The following ST6GAL1 variants were observed in gnomAD, a reference collection of about 807,000 sequenced individuals.
ST6GAL1 encodes ST6 beta-galactoside alpha-2,6-sialyltransferase 1.
A neutral mutation model predicts 38.0 loss-of-function variants in ST6GAL1; 20 were observed. The ratio of observed to expected loss-of-function variants is 0.53; its 90% CI spans 0.37 to 0.77. The LOEUF (loss-of-function observed/expected upper bound fraction) is 0.77. Ranked by LOEUF, ST6GAL1 falls within the 30% of genes least tolerant of loss-of-function variation. ST6GAL1 has a pLI of 0.00. For synonymous variants in ST6GAL1, 196 were observed against 188.2 expected (o/e 1.04, Z -0.34); for missense variants, 432 against 496.4 (o/e 0.87, Z 1.23).
chr3:186,986,327 G>T (rs1475003383), intron 2 of ST6GAL1: 1 of 152,146 alleles, frequency 6.6e-6, no homozygotes, highest in Non-Finnish European at 1.5e-5. Context: ...CTCAGTCCAG[G>T]CCTCTATCAT....
rs192807081 is a variant in ST6GAL1, at chr3:186,947,493, A to G, written c.-324-16292A>G. Among the ~76,000 whole-genome samples the G allele has an allele frequency of 3.3e-5, 5 of 152,314 alleles. No homozygotes were observed. The East Asian group carries it at 9.6e-4, about 29-fold the overall frequency. ...CACCTTTATGAAACACAAAATGTAA[A>G]AATAATTGTATAGGTAAATATTTTA... On this transcript the variant is annotated intron_variant, in intron 1 of 7. Coordinates refer to ENST00000169298, the MANE Select transcript of ST6GAL1 (RefSeq NM_173216.2).
At chr3:186,977,402 T>C (rs186722327) in intron 2 of ST6GAL1, among the ~76,000 whole-genome samples, 36 of 152,360 alleles carry the variant, frequency 2.4e-4, no homozygotes, top group African/African-American at 8.7e-4. Context: ...ACTCAGTGTT[T>C]TCACTTGTCA....
chr3:186,965,585 AT>A (rs1349823692), intron 2 of ST6GAL1, among the ~76,000 whole-genome samples: 1 of 152,208 alleles, frequency 6.6e-6, no homozygotes, highest in Non-Finnish European at 1.5e-5. Flanking sequence ...CCACACCCTC[AT>A]TTTAAGAACC....
At chr3:186,967,567 T>C (rs777683879) in intron 2 of ST6GAL1, among the ~76,000 whole-genome samples, 1 of 152,124 alleles carries the variant, frequency 6.6e-6, no homozygotes, top group Non-Finnish European at 1.5e-5. Context: ...TCAGGGTCTT[T>C]GGAAGATACC....
chr3:187,050,542 G>C (rs201843285), intron 4 of ST6GAL1, among the ~76,000 whole-genome samples: 3 of 110,606 alleles, frequency 2.7e-5, no homozygotes, highest in Admixed American at 2.4e-4. Context: ...GAAAGAGAGA[G>C]AGAGAGAGAG....
chr3:186,966,073 T>C (rs1715101884), intron 2 of ST6GAL1, among the ~76,000 whole-genome samples: 1 of 152,176 alleles, frequency 6.6e-6, no homozygotes, highest in Admixed American at 6.5e-5. Context: ...AATTATTTTG[T>C]ATTTTTAGTA....
intron 5 of ST6GAL1, among the ~76,000 whole-genome samples, chr3:187,069,896 C>A (rs934231595): frequency 6.6e-6 from 1 of 152,230 alleles, no homozygotes; most frequent in African/African-American, 2.4e-5. Flanking sequence ...GCATTTCTCT[C>A]TCATGCAAAA....
intron 2 of ST6GAL1, among the ~76,000 whole-genome samples, chr3:186,973,784 A>G (rs1402251049): frequency 6.6e-6 from 1 of 152,130 alleles, no homozygotes; most frequent in East Asian, 1.9e-4. Context: ...ACTGAAAGAA[A>G]ACGGGACATG....
At chr3:186,986,985 G>C (rs1034553604) in intron 2 of ST6GAL1, among the ~76,000 whole-genome samples, 3 of 142,976 alleles carry the variant, frequency 2.1e-5, no homozygotes, top group Admixed American at 6.9e-5. Context: ...TTAAAAAAAA[G>C]TGATATACAG....
chr3:186,984,462 G>A (rs1326760197), intron 2 of ST6GAL1, among the ~76,000 whole-genome samples: 3 of 152,048 alleles, frequency 2.0e-5, no homozygotes, highest in South Asian at 2.1e-4. Flanking sequence ...CCCCGACATC[G>A]TTGTTTGTTC....
chr3:187,073,471 C>T (rs771348479), intron 6 of ST6GAL1: 51 of 162,222 alleles, frequency 3.1e-4, no homozygotes, highest in Non-Finnish European at 9.4e-5. Flanking sequence ...AAGCAGAAGG[C>T]GCAGATCTGC....
In ST6GAL1 at chr3:187,056,057, G is replaced by T. The variant is rs553618957; in HGVS notation, c.705+4711G>T. Among the ~76,000 whole-genome samples the T allele has an allele frequency of 3.3e-5, 5 of 152,318 alleles. No individual in the cohort carries two copies. The South Asian group carries it at 8.3e-4, about 25-fold the overall frequency. The stretch of plus-strand genomic sequence containing the variant: ...GTTCAATCGATCCCTTTACCATTAT[G>T]TAATGGCCTTCTTTATCTCTTTTGA... On this transcript the variant is annotated intron_variant, in intron 5 of 7. Transcript: ENST00000169298.
chr3:187,025,709 G>A (rs1298794437), intron 2 of ST6GAL1, among the ~76,000 whole-genome samples: 1 of 152,088 alleles, frequency 6.6e-6, no homozygotes, highest in East Asian at 1.9e-4. Flanking sequence ...AGTAGCAAAT[G>A]GCTCATGATT....
chr3:186,984,935 G>A (rs575138995), intron 2 of ST6GAL1, among the ~76,000 whole-genome samples: 2 of 150,444 alleles, frequency 1.3e-5, no homozygotes, highest in Admixed American at 6.6e-5. Flanking sequence ...CTGAGATAGG[G>A]TCTCGCTCTG....
At chr3:186,939,733 C>T (rs1197905319) in intron 1 of ST6GAL1, among the ~76,000 whole-genome samples, 1 of 152,158 alleles carries the variant, frequency 6.6e-6, no homozygotes, top group East Asian at 1.9e-4. Context: ...GGGAGCGTTG[C>T]TGCCGGTCTC....
At chr3:186,984,721 TCCTC>T (rs1715809873) in intron 2 of ST6GAL1, among the ~76,000 whole-genome samples, 1 of 142,124 alleles carries the variant, frequency 7.0e-6, no homozygotes, top group Non-Finnish European at 1.5e-5. Context: ...TTCCTTCCCT[TCCTC>T]CCTTCCTTCC....
chr3:187,076,112 C>A lies in ST6GAL1; in HGVS notation c.*309C>A. On this transcript the variant is annotated 3_prime_UTR_variant, in exon 8 of 8. Coordinates refer to ENST00000169298, the MANE Select transcript of ST6GAL1 (RefSeq NM_173216.2). Reference sequence around the variant, plus strand: ...GCAAGGTCTATCTCTCCCATCAGGGCTGCCAAAGCTGGGCTTTGTTTTTCC... The same window carrying A: ...GCAAGGTCTATCTCTCCCATCAGGGATGCCAAAGCTGGGCTTTGTTTTTCC... The A allele has an allele frequency of 6.1e-6, 2 of 329,418 alleles. No individual in the cohort carries two copies. Among genetic ancestry groups the A allele is most frequent in the South Asian group, 1.1e-4 (2 of 18,504 alleles). 20.4% of individuals were successfully genotyped at this position (329,418 alleles called of 1,614,324 possible). A position where few individuals can be genotyped will look rare whatever the true frequency, so the allele number is the denominator to read the frequency against.
At chr3:187,070,958 A>G (rs1264495059) in intron 5 of ST6GAL1, among the ~76,000 whole-genome samples, 1 of 152,218 alleles carries the variant, frequency 6.6e-6, no homozygotes, top group Non-Finnish European at 1.5e-5. Context: ...ATGAGAGTAT[A>G]TTCTTCAGGC....
At chr3:187,012,344 G>A (rs956224270) in intron 2 of ST6GAL1, among the ~76,000 whole-genome samples, 5 of 151,192 alleles carry the variant, frequency 3.3e-5, no homozygotes, top group African/African-American at 7.3e-5. Flanking sequence ...TGCAAGCTCC[G>A]CCCCCCAGGT....
Sources: gnomAD v4.1 joint callset for allele counts (sites outside exome capture counted in the v4.1 genomes callset) on GRCh38, gnomAD v4.1.1 for gene constraint, MANE v1.5 for transcripts, NCBI Gene and HGNC (gene_info 2026-07-23, HGNC 2026-07-21) for gene names.